Variants in ZDHHC12 observed in about 807,000 individuals in gnomAD.
ZDHHC12 encodes palmitoyltransferase ZDHHC12.
In ZDHHC12, 26 loss-of-function variants were observed where a neutral mutation model predicts 33.2. The observed-to-expected ratio is 0.78, with a 90% CI of 0.57 to 1.09. The LOEUF (loss-of-function observed/expected upper bound fraction) is 1.09. ZDHHC12 is among the 50% of genes least tolerant of loss of function. The pLI is 0.00. For missense variants in ZDHHC12, 350 were observed against 353.0 expected, an observed-to-expected ratio of 0.99 and a Z score of 0.07; for synonymous variants, 154 against 152.1, an observed-to-expected ratio of 1.01 and a Z score of -0.09.
At position 128,721,963 on chromosome 9, in the gene ZDHHC12, T is replaced by C; in HGVS notation, c.315+46A>G. 6.2e-7 allele frequency: 1 copy of C among 1,613,066 alleles called. No homozygotes were observed. Among genetic ancestry groups the C allele is most frequent in the African/African-American group, 1.3e-5 (1 of 74,966 alleles). ...TGGGGCAGGAGGAGGTCGAGGAGTCTCAGCTTTGGCCCAACCTCTCCCACG... is the reference window on the plus strand; with the variant it reads ...TGGGGCAGGAGGAGGTCGAGGAGTCCCAGCTTTGGCCCAACCTCTCCCACG... On this transcript the variant is annotated intron_variant, in intron 3 of 4. Transcript: ENST00000372663. The surrounding 1 kb of genome is among the most constrained non-coding windows in gnomAD (Gnocchi z 6.9).
In ZDHHC12 at chr9:128,723,982, G is replaced by T; in HGVS notation, c.100+12C>A. 6.2e-7 allele frequency: 1 copy of T among 1,609,788 alleles called. No homozygotes were observed. The highest frequency in any genetic ancestry group is 8.5e-7 in the Non-Finnish European group (1 of 1,178,016). On this transcript the variant is annotated intron_variant, in intron 1 of 4. Transcript: ENST00000372663. The surrounding 1 kb of genome is among the most constrained non-coding windows in gnomAD (Gnocchi z 4.4). ...ATCGGGTGGGTCCGGGGTCGCTCGG[G>T]GTCCGGCTCACCGGTATCGTGCAGG...
Position 128,723,153 on chromosome 9 carries a change from G to C in ZDHHC12, c.101-579C>G, listed in dbSNP as rs1423213532. 1.3e-5 allele frequency: 2 copies of C among 155,574 alleles called. No individual in the cohort carries two copies. The highest frequency in any genetic ancestry group is 2.8e-5 in the Non-Finnish European group (2 of 70,472). 9.6% of individuals were successfully genotyped at this position (155,574 alleles called of 1,614,324 possible). ...AGGTAGGGTGCAGGGCAAGGAGTGA[G>C]GGGGCATGAGACCACCAGACAGCAG... On this transcript the variant is annotated intron_variant, in intron 1 of 4. Coordinates refer to ENST00000372663, the MANE Select transcript of ZDHHC12 (RefSeq NM_032799.5). This position sits in a 1 kb window ranked among gnomAD's most constrained non-coding sequence, Gnocchi z 4.4.
rs756980506 is a variant in ZDHHC12 at position 128,721,370 on chromosome 9, C to T, written c.615G>A (p.Val205=). 4 of 1,585,244 alleles carry T rather than the reference C, an allele frequency of 2.5e-6. No individual in the cohort carries two copies. In the South Asian group the frequency reaches 4.6e-5, roughly 18 times the overall value. ...SLLLVSHLYL[V]ASNTTTWEFI... is the part of the protein sequence containing the mutation. ...ATTCCCAGGTGGTGGTGTTGCTGGC[C>T]ACCAGGTAGAGGTGCGAGACGAGGA... Residue 205 remains valine, a synonymous_variant, in exon 5 of 5, where the codon GTG becomes GTA. Transcript: ENST00000372663. The surrounding 1 kb of genome is among the most constrained non-coding windows in gnomAD (Gnocchi z 6.9).
In ZDHHC12 at chr9:128,721,827, T is replaced by C; in HGVS notation, c.316-10A>G. 3.1e-6 allele frequency: 5 copies of C among 1,610,738 alleles called. No homozygotes were observed. The highest frequency in any genetic ancestry group is 1.3e-5 in the African/African-American group (1 of 74,976). Reference sequence around the variant, plus strand: ...GAGCCCTCAGGGGCTGCTGTGGGCATGGAGGAGAGTGGAGGCTCAGTGCCA... The same window carrying C: ...GAGCCCTCAGGGGCTGCTGTGGGCACGGAGGAGAGTGGAGGCTCAGTGCCA... On this transcript the variant is annotated splice_polypyrimidine_tract_variant and intron_variant, in intron 3 of 4. Coordinates refer to ENST00000372663, the MANE Select transcript of ZDHHC12 (RefSeq NM_032799.5). The surrounding 1 kb of genome is among the most constrained non-coding windows in gnomAD (Gnocchi z 6.9).
In ZDHHC12 at chr9:128,722,435, T is replaced by A; in HGVS notation, c.237+3A>T. ...GTTGGTGAGAGTAGGGGCCCCTGGTTACCTGAGGCTGGGGCTGCACATTCA... is the reference window on the plus strand; with the variant it reads ...GTTGGTGAGAGTAGGGGCCCCTGGTAACCTGAGGCTGGGGCTGCACATTCA... On this transcript the variant is annotated splice_donor_region_variant and intron_variant, in intron 2 of 4. Transcript: ENST00000372663. The surrounding 1 kb of genome is among the most constrained non-coding windows in gnomAD (Gnocchi z 4.2). 6.7e-7 allele frequency: 1 copy of A among 1,497,312 alleles called. No individual in the cohort carries two copies. Among genetic ancestry groups the A allele is most frequent in the South Asian group, 1.3e-5 (1 of 75,862 alleles). The allele number at this position is 1,497,312 out of a possible 1,614,324, so 92.8% of individuals were successfully genotyped here.
In ZDHHC12 at chr9:128,720,943, T is replaced by TG. The variant is rs564648461; in HGVS notation, c.*237dup. Reference sequence around the variant, plus strand: ...GCACTGGCAGCAGCCTGGGCGGGGCTGGGGTGGAGCCCGGGGTCTGCTTGG... The same window carrying TG: ...GCACTGGCAGCAGCCTGGGCGGGGCTGGGGGTGGAGCCCGGGGTCTGCTTGG... On this transcript the variant is annotated 3_prime_UTR_variant, in exon 5 of 5. Transcript: ENST00000372663. This position sits in a 1 kb window ranked among gnomAD's most constrained non-coding sequence, Gnocchi z 5.5. 3.4e-5 allele frequency: 20 copies of TG among 591,944 alleles called. No homozygotes were observed. In the East Asian group the frequency reaches 5.5e-4, roughly 16 times the overall value. The allele number at this position is 591,944 out of a possible 1,614,324, so 36.7% of individuals were successfully genotyped here. A position where few individuals can be genotyped will look rare whatever the true frequency, so the allele number is the denominator to read the frequency against.
rs2132354132 is a variant in ZDHHC12, at chr9:128,723,182, G to C, written c.101-608C>G. 4 of 154,404 alleles carry C rather than the reference G, an allele frequency of 2.6e-5. No homozygotes were observed. The South Asian group carries it at 7.9e-4, about 31-fold the overall frequency. The allele number at this position is 154,404 out of a possible 1,614,324, so 9.6% of individuals were successfully genotyped here. A position where few individuals can be genotyped will look rare whatever the true frequency, so the allele number is the denominator to read the frequency against. Reference sequence around the variant, plus strand: ...GCATGAGACCACCAGACAGCAGAGTGTAGACAAATCCTGTGTCCCTTGGTT... The same window carrying C: ...GCATGAGACCACCAGACAGCAGAGTCTAGACAAATCCTGTGTCCCTTGGTT... On this transcript the variant is annotated intron_variant, in intron 1 of 4. Coordinates refer to ENST00000372663, the MANE Select transcript of ZDHHC12 (RefSeq NM_032799.5). The surrounding 1 kb of genome is among the most constrained non-coding windows in gnomAD (Gnocchi z 4.4).
In ZDHHC12 at chr9:128,722,561, C is replaced by T; in HGVS notation, c.114G>A (p.Trp38Ter). ...LFLHDTELRQ[W>*]EEQGELLLPL... ...GCAGGAGCAGCTCCCCCTGCTCCTC[C>T]CATTGCCGCAGCTCTGGAGAGGCCG... The change falls in exon 2 of 5, where the codon TGG becomes TGA. Residue 38 changes from tryptophan to a stop codon, truncating the protein, a stop_gained. Transcript: ENST00000372663. LOFTEE classifies it high-confidence loss of function. This position sits in a 1 kb window ranked among gnomAD's most constrained non-coding sequence, Gnocchi z 4.2. 1 of 1,593,262 alleles carries T rather than the reference C, an allele frequency of 6.3e-7. No individual in the cohort carries two copies. The highest frequency in any genetic ancestry group is 1.1e-5 in the South Asian group (1 of 87,702).
Position 128,722,585 on chromosome 9 carries a change from C to G in ZDHHC12, c.101-11G>C, listed in dbSNP as rs367828204. ...CCCATTGCCGCAGCTCTGGAGAGGC[C>G]GGAGAGCACAGTGAGGCTGGGCCGG... On this transcript the variant is annotated splice_polypyrimidine_tract_variant and intron_variant, in intron 1 of 4. Coordinates refer to ENST00000372663, the MANE Select transcript of ZDHHC12 (RefSeq NM_032799.5). This position sits in a 1 kb window ranked among gnomAD's most constrained non-coding sequence, Gnocchi z 4.2. 5.0e-6 allele frequency: 8 copies of G among 1,590,982 alleles called. No individual in the cohort carries two copies. The African/African-American group carries it at 1.1e-4, about 21-fold the overall frequency.
chr9:128,722,437 C>A lies in ZDHHC12; in HGVS notation c.237+1G>T. 1 of 1,499,678 alleles carries A rather than the reference C, an allele frequency of 6.7e-7. No homozygotes were observed. The highest frequency in any genetic ancestry group is 1.3e-5 in the South Asian group (1 of 76,286). 92.9% of individuals were successfully genotyped at this position (1,499,678 alleles called of 1,614,324 possible). A position where few individuals can be genotyped will look rare whatever the true frequency, so the allele number is the denominator to read the frequency against. On this transcript the variant is annotated splice_donor_variant, in intron 2 of 4. Transcript: ENST00000372663. LOFTEE classifies it high-confidence loss of function. The surrounding 1 kb of genome is among the most constrained non-coding windows in gnomAD (Gnocchi z 4.2). ...TGGTGAGAGTAGGGGCCCCTGGTTA[C>A]CTGAGGCTGGGGCTGCACATTCACG...
Position 128,722,318 on chromosome 9 carries a change from C to G in ZDHHC12, c.237+120G>C. 3.1e-6 allele frequency: 4 copies of G among 1,297,720 alleles called. No homozygotes were observed. Among genetic ancestry groups the G allele is most frequent in the Non-Finnish European group, 1.0e-6 (1 of 959,834 alleles). 80.4% of individuals were successfully genotyped at this position (1,297,720 alleles called of 1,614,324 possible). On this transcript the variant is annotated intron_variant, in intron 2 of 4. Coordinates refer to ENST00000372663, the MANE Select transcript of ZDHHC12 (RefSeq NM_032799.5). The surrounding 1 kb of genome is among the most constrained non-coding windows in gnomAD (Gnocchi z 4.2). ...TTTCCTCACTACTGTAGATGGGGCT[C>G]TAGGGGTGGCAAGAGGAGTCACTGA...
At position 128,722,032 on chromosome 9, in the gene ZDHHC12, G is replaced by A. The variant is rs751218508; in HGVS notation, c.292C>T (p.Arg98Cys). The change falls in exon 3 of 5, where the codon CGC (arginine) becomes TGC (cysteine). Residue 98 changes from arginine (R) to cysteine (C), a missense_variant. Arg to Cys is a radical substitution (Grantham distance 180). Transcript: ENST00000372663. The surrounding 1 kb of genome is among the most constrained non-coding windows in gnomAD (Gnocchi z 4.2). Reference sequence around the variant, plus strand: ...ACCAGCACCAGGCAGTATCTGCAGCGCCGAAGAGGGATGGCTGGAGGAACC... The same window carrying A: ...ACCAGCACCAGGCAGTATCTGCAGCACCGAAGAGGGATGGCTGGAGGAACC... ...AMVPPAIPLR[R>C]CRYCLVLQPL... 2.0e-5 allele frequency: 32 copies of A among 1,613,952 alleles called. No homozygotes were observed. In the South Asian group the frequency reaches 2.4e-4, roughly 12 times the overall value.
chr9:128,721,567 C>T lies in ZDHHC12; in HGVS notation c.483-65G>A, dbSNP rs1350590301. ...CAGGGGAGCCCTTCCCTCCCCATGC[C>T]GGGTCCCTGGGAGTCCTGGCTCTGT... On this transcript the variant is annotated intron_variant, in intron 4 of 4. Coordinates refer to ENST00000372663, the MANE Select transcript of ZDHHC12 (RefSeq NM_032799.5). This position sits in a 1 kb window ranked among gnomAD's most constrained non-coding sequence, Gnocchi z 6.9. 13 of 1,587,646 alleles carry T rather than the reference C, an allele frequency of 8.2e-6. No homozygotes were observed. Among genetic ancestry groups the T allele is most frequent in the East Asian group, 4.5e-5 (2 of 44,566 alleles).
Position 128,722,004 on chromosome 9 carries a change from C to G in ZDHHC12, c.315+5G>C, listed in dbSNP as rs748361048. ...CTCTCCCACGGGTGTCCGTGCATCA[C>G]TCACCAGCACCAGGCAGTATCTGCA... On this transcript the variant is annotated splice_donor_5th_base_variant and intron_variant, in intron 3 of 4. Coordinates refer to ENST00000372663, the MANE Select transcript of ZDHHC12 (RefSeq NM_032799.5). The surrounding 1 kb of genome is among the most constrained non-coding windows in gnomAD (Gnocchi z 4.2). The G allele has an allele frequency of 1.2e-6, 2 of 1,613,906 alleles. No homozygotes were observed. Among genetic ancestry groups the G allele is most frequent in the African/African-American group, 1.3e-5 (1 of 74,926 alleles).
At position 128,722,816 on chromosome 9, in the gene ZDHHC12, T is replaced by C; in HGVS notation, c.101-242A>G. 7.6e-7 allele frequency: 1 copy of C among 1,320,204 alleles called. No individual in the cohort carries two copies. Among genetic ancestry groups the C allele is most frequent in the Non-Finnish European group, 9.9e-7 (1 of 1,010,928 alleles). The allele number at this position is 1,320,204 out of a possible 1,614,324, so 81.8% of individuals were successfully genotyped here. The stretch of plus-strand genomic sequence containing the variant: ...AAAACCTCATTGCTAAAGAAATGGA[T>C]CAGGGGAAGCCTGGGGGCAGAGAAT... On this transcript the variant is annotated intron_variant, in intron 1 of 4. Coordinates refer to ENST00000372663, the MANE Select transcript of ZDHHC12 (RefSeq NM_032799.5). This position sits in a 1 kb window ranked among gnomAD's most constrained non-coding sequence, Gnocchi z 4.2.
In ZDHHC12 at chr9:128,721,948, G is replaced by A; in HGVS notation, c.315+61C>T. ...GCGAGGCCCAGGCAGTGGGGCAGGAGGAGGTCGAGGAGTCTCAGCTTTGGC... is the reference window on the plus strand; with the variant it reads ...GCGAGGCCCAGGCAGTGGGGCAGGAAGAGGTCGAGGAGTCTCAGCTTTGGC... On this transcript the variant is annotated intron_variant, in intron 3 of 4. Transcript: ENST00000372663. This position sits in a 1 kb window ranked among gnomAD's most constrained non-coding sequence, Gnocchi z 6.9. 6.2e-7 allele frequency: 1 copy of A among 1,611,480 alleles called. No individual in the cohort carries two copies.
At position 128,721,586 on chromosome 9, in the gene ZDHHC12, G is replaced by A; in HGVS notation, c.482+65C>T. 1 of 1,592,552 alleles carries A rather than the reference G, an allele frequency of 6.3e-7. No individual in the cohort carries two copies. The highest frequency in any genetic ancestry group is 8.6e-7 in the Non-Finnish European group (1 of 1,166,972). On this transcript the variant is annotated intron_variant, in intron 4 of 4. Transcript: ENST00000372663. The surrounding 1 kb of genome is among the most constrained non-coding windows in gnomAD (Gnocchi z 6.9). ...CCATGCCGGGTCCCTGGGAGTCCTG[G>A]CTCTGTCCACCCCTGTGGGAGCATT... is the stretch of plus-strand genomic sequence containing the variant.
chr9:128,723,980 G>A lies in ZDHHC12; in HGVS notation c.100+14C>T. Reference sequence around the variant, plus strand: ...GGATCGGGTGGGTCCGGGGTCGCTCGGGGTCCGGCTCACCGGTATCGTGCA... The same window carrying A: ...GGATCGGGTGGGTCCGGGGTCGCTCAGGGTCCGGCTCACCGGTATCGTGCA... On this transcript the variant is annotated intron_variant, in intron 1 of 4. Coordinates refer to ENST00000372663, the MANE Select transcript of ZDHHC12 (RefSeq NM_032799.5). The surrounding 1 kb of genome is among the most constrained non-coding windows in gnomAD (Gnocchi z 4.4). 2 of 1,609,070 alleles carry A rather than the reference G, an allele frequency of 1.2e-6. No homozygotes were observed. Among genetic ancestry groups the A allele is most frequent in the East Asian group, 2.2e-5 (1 of 44,514 alleles).
In ZDHHC12 at chr9:128,724,087, G is replaced by A. The variant is rs1564383765; in HGVS notation, c.7C>T (p.Pro3Ser). 4 of 1,581,620 alleles carry A rather than the reference G, an allele frequency of 2.5e-6. No individual in the cohort carries two copies. Among genetic ancestry groups the A allele is most frequent in the Non-Finnish European group, 3.4e-6 (4 of 1,160,662 alleles). Reference sequence around the variant, plus strand: ...ACCCCAGGGCTGAGGAGCGCCCAGGGCGCCATCGCCTCGGCCCGGGGCCCC... The same window carrying A: ...ACCCCAGGGCTGAGGAGCGCCCAGGACGCCATCGCCTCGGCCCGGGGCCCC... MA[P>S]WALLSPGVLV... The change falls in exon 1 of 5, where the codon CCC becomes TCC. Residue 3 changes from proline to serine, a missense_variant. Pro to Ser is a moderately conservative substitution (Grantham distance 74). Coordinates refer to ENST00000372663, the MANE Select transcript of ZDHHC12 (RefSeq NM_032799.5).
Sources: gnomAD v4.1 joint callset for allele counts on GRCh38, gnomAD v4.1.1 for gene constraint, Gnocchi (gnomAD v3.1) non-coding constraint, MANE v1.5 for transcripts, NCBI Gene and HGNC (gene_info 2026-07-23, HGNC 2026-07-21) for gene names.